The following GPR180 variants were observed in gnomAD, a reference collection of about 807,000 sequenced individuals.
The protein encoded by GPR180 is integral membrane protein GPR180.
A neutral mutation model predicts 52.6 loss-of-function variants in GPR180; 53 were observed. The observed-to-expected ratio is 1.01, with a 90% CI of 0.81 to 1.27. The LOEUF is 1.27. Among genes scored for constraint, GPR180 ranks in the 50% most tolerant of loss-of-function variants. GPR180 has a pLI of 0.00. For missense variants in GPR180, 533 were observed against 527.0 expected (o/e 1.01, Z -0.11); for synonymous variants, 200 against 193.1 (o/e 1.04, Z -0.30).
chr13:94,618,407 T>A (rs1387629285), intron 3 of GPR180, among the ~76,000 whole-genome samples: 2 of 149,616 alleles, frequency 1.3e-5, no homozygotes, highest in Non-Finnish European at 3.0e-5. Flanking sequence ...TGGAGTCGCA[T>A]GATCAGCACA....
At chr13:94,607,013 G>A (rs915182374) in intron 2 of GPR180, among the ~76,000 whole-genome samples, 1 of 152,122 alleles carries the variant, frequency 6.6e-6, no homozygotes, top group Non-Finnish European at 1.5e-5. Context: ...TTCCTCTGGC[G>A]TCTAAACTGA....
intron 2 of GPR180, among the ~76,000 whole-genome samples, chr13:94,611,965 G>T (rs1889712105): frequency 6.6e-6 from 1 of 150,998 alleles, no homozygotes; most frequent in African/African-American, 2.4e-5. Flanking sequence ...CTTTTATAGT[G>T]ATTCCTTGGT....
intron 2 of GPR180, among the ~76,000 whole-genome samples, chr13:94,610,764 G>A (rs1316283795): frequency 3.9e-5 from 6 of 152,170 alleles, no homozygotes; most frequent in African/African-American, 1.2e-4. Flanking sequence ...AGGGAGTGCC[G>A]TTGGCATTTT....
At chr13:94,618,420 A>AGTTTTTTTT (rs1889805818) in intron 3 of GPR180, among the ~76,000 whole-genome samples, 1 of 87,156 alleles carries the variant, frequency 1.1e-5, no homozygotes, top group African/African-American at 6.3e-5. Flanking sequence ...TCAGCACAGG[A>AGTTTTTTTT]TTTTTTTTTT....
At chr13:94,623,666 C>T (rs1249453126) in intron 7 of GPR180, among the ~76,000 whole-genome samples, 2 of 143,152 alleles carry the variant, frequency 1.4e-5, no homozygotes, top group Non-Finnish European at 1.5e-5. Context: ...GGTGACAGGG[C>T]GAGACCTTCT....
chr13:94,620,603 G>T (rs944124393), intron 5 of GPR180, among the ~76,000 whole-genome samples: 5 of 152,048 alleles, frequency 3.3e-5, no homozygotes, highest in Non-Finnish European at 7.4e-5. Flanking sequence ...ATTGTTTCTT[G>T]TTAATAGTTT....
rs1028430601 is a variant in GPR180, at chr13:94,627,972, T to C, written c.*801T>C. ...TATGGTACTGAAATTTTGATCCCAA[T>C]AGAATTCATTTCTCTTACGTTGAAT... On this transcript the variant is annotated 3_prime_UTR_variant, in exon 9 of 9. Coordinates refer to ENST00000376958, the MANE Select transcript of GPR180 (RefSeq NM_180989.6). 9 of 152,514 alleles carry C rather than the reference T, an allele frequency of 5.9e-5. No individual in the cohort carries two copies. The highest frequency in any genetic ancestry group is 2.1e-4 in the South Asian group (1 of 4,828). The allele number at this position is 152,514 out of a possible 1,614,324, so 9.4% of individuals were successfully genotyped here. A position where few individuals can be genotyped will look rare whatever the true frequency, so the allele number is the denominator to read the frequency against.
intron 4 of GPR180, 54 bp from the exon 5 acceptor site, chr13:94,619,414 A>G (rs532188234): frequency 1.9e-6 from 3 of 1,602,154 alleles, no homozygotes; most frequent in South Asian, 1.1e-5. Context: ...TGCTTTGATT[A>G]TAAACAATTT....
intron 3 of GPR180, among the ~76,000 whole-genome samples, 188 bp downstream of exon 3, chr13:94,612,578 G>C (rs1001626450): frequency 3.3e-5 from 5 of 152,140 alleles, no homozygotes; most frequent in African/African-American, 9.7e-5. Flanking sequence ...AGTATTACTT[G>C]AGTGTATTAA....
chr13:94,626,460 A>G (rs1240934126), intron 8 of GPR180, among the ~76,000 whole-genome samples: 3 of 152,118 alleles, frequency 2.0e-5, no homozygotes, highest in Admixed American at 6.6e-5. Context: ...GTTGATACCT[A>G]CCTTCTTAGG....
At chr13:94,602,380 C>G (rs1889570354) in intron 1 of GPR180, among the ~76,000 whole-genome samples, 1 of 152,156 alleles carries the variant, frequency 6.6e-6, no homozygotes, top group Non-Finnish European at 1.5e-5. Flanking sequence ...AAAGACTGGT[C>G]GGCCGCATCT....
intron 6 of GPR180, among the ~76,000 whole-genome samples, chr13:94,622,030 G>T (rs906913560): frequency 6.6e-6 from 1 of 152,074 alleles, no homozygotes; most frequent in Non-Finnish European, 1.5e-5. Flanking sequence ...AATGAAGGAT[G>T]GGGTCAGTGC....
At chr13:94,619,082 T>A (rs777879650) in intron 3 of GPR180, 68 bp from the exon 4 acceptor site, 1 of 1,232,904 alleles carries the variant, frequency 8.1e-7, no homozygotes, top group Middle Eastern at 2.0e-4. Flanking sequence ...ACAGGGAGAT[T>A]TGAAAGCAGC....
At chr13:94,618,734 AG>A (rs1159692620) in intron 3 of GPR180, among the ~76,000 whole-genome samples, 1 of 152,150 alleles carries the variant, frequency 6.6e-6, no homozygotes, top group African/African-American at 2.4e-5. Context: ...ATGCATTGTC[AG>A]GGCATATTAA....
intron 2 of GPR180, among the ~76,000 whole-genome samples, chr13:94,608,146 T>A (rs577210943): frequency 6.6e-6 from 1 of 152,176 alleles, no homozygotes; most frequent in South Asian, 2.1e-4. Context: ...AGGGAGACAG[T>A]GTGGTGCAAT....
intron 2 of GPR180, among the ~76,000 whole-genome samples, chr13:94,609,435 G>A (rs1889674561): frequency 6.6e-6 from 1 of 151,996 alleles, no homozygotes; most frequent in Non-Finnish European, 1.5e-5. Context: ...ACTAAAGGCC[G>A]GTATCACTTT....
intron 3 of GPR180, 73 bp downstream of exon 3, chr13:94,612,463 T>C (rs1889720588): frequency 1.7e-6 from 2 of 1,171,274 alleles, no homozygotes; most frequent in Admixed American, 4.5e-5. Context: ...TGTTGTATTT[T>C]TAAAATCAAA....
At chr13:94,603,601 T>A (rs1281882972) in intron 1 of GPR180, among the ~76,000 whole-genome samples, 1 of 152,210 alleles carries the variant, frequency 6.6e-6, no homozygotes, top group African/African-American at 2.4e-5. Flanking sequence ...ACAGTGTCAA[T>A]TGGGCCTCAG....
At chr13:94,619,113 G>A in intron 3 of GPR180, 37 bp from the exon 4 acceptor site, 2 of 1,562,476 alleles carry the variant, frequency 1.3e-6, no homozygotes, top group Non-Finnish European at 1.7e-6. Context: ...AACTGGCTTT[G>A]TTTTACTGAA....
Sources: gnomAD v4.1 joint callset for allele counts (sites outside exome capture counted in the v4.1 genomes callset) on GRCh38, gnomAD v4.1.1 for gene constraint, MANE v1.5 for transcripts, NCBI Gene and HGNC (gene_info 2026-07-23, HGNC 2026-07-21) for gene names.